The following LEKR1 variants were observed in gnomAD, a reference collection of about 807,000 sequenced individuals.
LEKR1 encodes the protein protein LEKR1.
LEKR1 carries 59 observed loss-of-function variants against 72.4 expected under a neutral mutation model. That is an observed-to-expected ratio of 0.82 (90% CI 0.66 to 1.01). The LOEUF is 1.01. LEKR1 is among the 50% of genes least tolerant of loss of function. The pLI is 0.00. For synonymous variants in LEKR1, 257 were observed against 263.2 expected (o/e 0.98, Z 0.23); for missense variants, 728 against 759.2 (o/e 0.96, Z 0.48).
chr3:156,980,812 A>C (rs1730132754), intron 7 of LEKR1, among the ~76,000 whole-genome samples: 1 of 152,212 alleles, frequency 6.6e-6, no homozygotes, highest in Non-Finnish European at 1.5e-5. Flanking sequence ...TTAGGAAAGA[A>C]GCTTAACATA....
At chr3:156,833,590 A>C (rs1315980849) in intron 2 of LEKR1, among the ~76,000 whole-genome samples, 2 of 152,164 alleles carry the variant, frequency 1.3e-5, no homozygotes, top group African/African-American at 4.8e-5. Context: ...AAGAAAGCCA[A>C]ATACCAATTC....
chr3:156,924,418 T>A (rs953914258), intron 4 of LEKR1: 26 of 577,076 alleles, frequency 4.5e-5, no homozygotes, highest in South Asian at 4.5e-4. Flanking sequence ...GTGGCTTATC[T>A]TTTTATTTTC....
chr3:156,955,869 G>T (rs1259759226), intron 6 of LEKR1, among the ~76,000 whole-genome samples: 1 of 151,288 alleles, frequency 6.6e-6, no homozygotes, highest in African/African-American at 2.4e-5. Flanking sequence ...TTAGGATGAT[G>T]CTGGTTCTTA....
chr3:156,959,199 A>G (rs1465173875), intron 6 of LEKR1, among the ~76,000 whole-genome samples: 1 of 152,056 alleles, frequency 6.6e-6, no homozygotes, highest in Non-Finnish European at 1.5e-5. Flanking sequence ...AGTATTTTAG[A>G]TTTTCTTTGG....
chr3:157,032,853 T>C (rs1021936944), intron 12 of LEKR1, among the ~76,000 whole-genome samples: 9 of 151,894 alleles, frequency 5.9e-5, no homozygotes, highest in Middle Eastern at 3.4e-3. Flanking sequence ...GCAACCCCTA[T>C]GTCGAGAAAG....
intron 5 of LEKR1, among the ~76,000 whole-genome samples, chr3:156,936,811 T>G (rs1160024078): frequency 1.3e-5 from 2 of 152,116 alleles, no homozygotes; most frequent in Non-Finnish European, 2.9e-5. Context: ...TGTCCTAAAG[T>G]GCACACTTTT....
At chr3:156,935,217 T>C (rs1008732530) in intron 5 of LEKR1, among the ~76,000 whole-genome samples, 1 of 152,192 alleles carries the variant, frequency 6.6e-6, no homozygotes, top group Non-Finnish European at 1.5e-5. Context: ...GTTTAGAAGT[T>C]ACACAGTGGT....
At chr3:156,908,994 TG>T (rs1039106504) in intron 3 of LEKR1, among the ~76,000 whole-genome samples, 27 of 152,184 alleles carry the variant, frequency 1.8e-4, no homozygotes, top group African/African-American at 6.0e-4. Flanking sequence ...TCATGAATCA[TG>T]GGGGCAGTTT....
intron 6 of LEKR1, among the ~76,000 whole-genome samples, chr3:156,960,241 G>A (rs1295697420): frequency 6.6e-6 from 1 of 152,098 alleles, no homozygotes; most frequent in Non-Finnish European, 1.5e-5. Flanking sequence ...AATCACCACT[G>A]AAAAGTTTCA....
chr3:156,880,777 C>G (rs1279932548), intron 3 of LEKR1, among the ~76,000 whole-genome samples: 1 of 152,178 alleles, frequency 6.6e-6, no homozygotes, highest in Non-Finnish European at 1.5e-5. Flanking sequence ...CCGAATCCAG[C>G]AGCACATCAA....
intron 7 of LEKR1, among the ~76,000 whole-genome samples, chr3:156,980,353 CAA>C: frequency 6.6e-6 from 1 of 152,062 alleles, no homozygotes; most frequent in Admixed American, 6.6e-5. Context: ...TTATTTGTAA[CAA>C]AATAGTTTGT....
chr3:156,868,923 T>C (rs1717611643), intron 3 of LEKR1, among the ~76,000 whole-genome samples: 1 of 151,984 alleles, frequency 6.6e-6, no homozygotes, highest in Non-Finnish European at 1.5e-5. Flanking sequence ...TGCTACCTTC[T>C]GCATATAAGT....
rs538489298 is a variant in LEKR1 at position 157,024,638 on chromosome 3, TA to T, written c.1204-118del. On this transcript the variant is annotated intron_variant, in intron 10 of 12. Transcript: ENST00000356539. ...ACTTTTTTTTGAACACTAGAATTTT[TA>T]AAATAGTTTAATTAAAAATTTAATG... The T allele has an allele frequency of 1.2e-3, 948 of 809,228 alleles. 7 individuals are homozygous for T. The African/African-American group carries it at 0.015, about 13-fold the overall frequency. The allele number at this position is 809,228 out of a possible 1,614,324, so 50.1% of individuals were successfully genotyped here.
chr3:157,035,710 C>T (rs964448981), intron 12 of LEKR1, among the ~76,000 whole-genome samples: 1 of 152,026 alleles, frequency 6.6e-6, no homozygotes, highest in Non-Finnish European at 1.5e-5. Context: ...ACCAGCCTGG[C>T]CAACATGGTA....
At chr3:156,867,554 G>A (rs1717456587) in intron 3 of LEKR1, among the ~76,000 whole-genome samples, 1 of 151,794 alleles carries the variant, frequency 6.6e-6, no homozygotes, top group East Asian at 1.9e-4. Context: ...TCTCTTTGTG[G>A]TTAAATTATT....
intron 6 of LEKR1, among the ~76,000 whole-genome samples, chr3:156,953,479 G>C (rs1213492106): frequency 6.6e-6 from 1 of 151,610 alleles, no homozygotes; most frequent in Non-Finnish European, 1.5e-5. Context: ...GCATCCCTTA[G>C]TTATTCTTCC....
chr3:156,843,689 G>GA (rs935095714), intron 2 of LEKR1, among the ~76,000 whole-genome samples: 56 of 152,190 alleles, frequency 3.7e-4, no homozygotes, highest in African/African-American at 1.3e-3. Context: ...GTCATTGCCA[G>GA]AAAAAATAAA....
At chr3:156,990,999 G>T (rs552955680) in intron 7 of LEKR1, among the ~76,000 whole-genome samples, 2 of 152,134 alleles carry the variant, frequency 1.3e-5, no homozygotes, top group African/African-American at 2.4e-5. Context: ...TTAAAGATGT[G>T]CAGTGTATTA....
chr3:156,956,205 A>G (rs570827403), intron 6 of LEKR1, among the ~76,000 whole-genome samples: 1 of 151,970 alleles, frequency 6.6e-6, no homozygotes, highest in Admixed American at 6.6e-5. Flanking sequence ...TCTGGTGAGG[A>G]TGTAGCTTCT....
Sources: gnomAD v4.1 joint callset for allele counts (sites outside exome capture counted in the v4.1 genomes callset) on GRCh38, gnomAD v4.1.1 for gene constraint, MANE v1.5 for transcripts, NCBI Gene and HGNC (gene_info 2026-07-23, HGNC 2026-07-21) for gene names.